Variants in PRKG1 observed in about 807,000 individuals in gnomAD.
PRKG1 encodes the protein cGMP-dependent protein kinase 1.
A neutral mutation model predicts 88.1 loss-of-function variants in PRKG1; 35 were observed. The observed-to-expected ratio is 0.40, with a 90% confidence interval of 0.30 to 0.53. The LOEUF (loss-of-function observed/expected upper bound fraction) is 0.53. Ranked by LOEUF, PRKG1 falls within the 20% of genes least tolerant of loss-of-function variation. The pLI, the probability that PRKG1 is intolerant of heterozygous loss-of-function variation, is 0.59. For synonymous variants in PRKG1, 303 were observed against 292.5 expected (o/e 1.04, Z -0.37); for missense variants, 540 against 839.8 (o/e 0.64, Z 4.41).
At chr10:51,643,730 T>C (rs1454184540) in intron 3 of PRKG1, among the ~76,000 whole-genome samples, 2 of 152,186 alleles carry the variant, frequency 1.3e-5, no homozygotes, top group Non-Finnish European at 2.9e-5. Flanking sequence ...CCAAAGATTT[T>C]AGTGTTGAAA....
At chr10:52,192,485 T>C (rs922599867) in intron 9 of PRKG1, among the ~76,000 whole-genome samples, 1 of 152,124 alleles carries the variant, frequency 6.6e-6, no homozygotes, top group Non-Finnish European at 1.5e-5. Context: ...CATTTTATTC[T>C]AAGGGAGTAG....
At chr10:51,533,105 C>A (rs917093150) in intron 3 of PRKG1, among the ~76,000 whole-genome samples, 1 of 152,178 alleles carries the variant, frequency 6.6e-6, no homozygotes, top group Admixed American at 6.5e-5. Flanking sequence ...GACTAATTTT[C>A]TTCTGTTGAA....
intron 2 of PRKG1, among the ~76,000 whole-genome samples, chr10:51,397,749 T>C (rs1837619334): frequency 6.6e-6 from 1 of 152,202 alleles, no homozygotes; most frequent in Admixed American, 6.5e-5. Context: ...ATAATAAACC[T>C]TTTATCCCTT....
chr10:51,693,819 A>G (rs1011616107), intron 3 of PRKG1, among the ~76,000 whole-genome samples: 9 of 152,218 alleles, frequency 5.9e-5, no homozygotes, highest in Non-Finnish European at 1.3e-4. Flanking sequence ...AATTGGTAAT[A>G]TGAATATTTG....
At chr10:52,012,136 C>G (rs1844900917) in intron 5 of PRKG1, among the ~76,000 whole-genome samples, 2 of 152,008 alleles carry the variant, frequency 1.3e-5, no homozygotes, top group South Asian at 4.2e-4. Context: ...ACATAGTTGT[C>G]TAGTTTAGTG....
intron 7 of PRKG1, among the ~76,000 whole-genome samples, chr10:52,111,097 T>C (rs1297076936): frequency 6.6e-6 from 1 of 152,182 alleles, no homozygotes; most frequent in Non-Finnish European, 1.5e-5. Context: ...CACAATGAGA[T>C]CAAATAATTT....
At chr10:51,366,833 A>G (rs1374283574) in intron 2 of PRKG1, among the ~76,000 whole-genome samples, 1 of 151,976 alleles carries the variant, frequency 6.6e-6, no homozygotes, top group Non-Finnish European at 1.5e-5. Context: ...CAGAAAATAG[A>G]AAGTAATTTT....
chr10:51,232,380 A>G (rs1401775610), intron 2 of PRKG1, among the ~76,000 whole-genome samples: 1 of 152,214 alleles, frequency 6.6e-6, no homozygotes, highest in Non-Finnish European at 1.5e-5. Flanking sequence ...AGATTTGGTT[A>G]CTGAAGGAGC....
At chr10:51,359,541 T>C (rs1448801232) in intron 2 of PRKG1, among the ~76,000 whole-genome samples, 2 of 151,900 alleles carry the variant, frequency 1.3e-5, no homozygotes, top group African/African-American at 4.8e-5. Context: ...ACTAATTTTA[T>C]TGAATTCAGA....
intron 7 of PRKG1, chr10:52,125,817 CT>C (rs779487828): frequency 1.1e-4 from 16 of 152,134 alleles, no homozygotes; most frequent in Non-Finnish European, 2.1e-4. Context: ...TAACTTTCAC[CT>C]TTCATGAAAG....
At chr10:52,227,657 T>A (rs10508963) in intron 9 of PRKG1, among the ~76,000 whole-genome samples, 19,585 of 152,122 alleles carry the variant, frequency 0.13, 2,232 homozygotes, top group African/African-American at 0.31. Context: ...GATGACTGTA[T>A]GTTCTATTCA....
chr10:51,704,828 G>A (rs1374546845), intron 3 of PRKG1, among the ~76,000 whole-genome samples: 4 of 152,200 alleles, frequency 2.6e-5, no homozygotes, highest in Admixed American at 6.5e-5. Flanking sequence ...TGATGTGAGA[G>A]TCAGTAGGCT....
intron 2 of PRKG1, among the ~76,000 whole-genome samples, chr10:51,345,864 G>A (rs979369158): frequency 3.9e-5 from 6 of 152,178 alleles, no homozygotes; most frequent in Admixed American, 3.9e-4. Context: ...ATTCAAGTCT[G>A]GTGTACTGGC....
At chr10:51,457,813 T>C (rs73334482) in intron 2 of PRKG1, among the ~76,000 whole-genome samples, 5,425 of 152,202 alleles carry the variant, frequency 0.036, 308 homozygotes, top group African/African-American at 0.12. Flanking sequence ...GTTCAGCAGT[T>C]TTTTCTTACC....
chr10:51,769,859 C>A (rs1233179029), intron 3 of PRKG1, among the ~76,000 whole-genome samples: 1 of 151,940 alleles, frequency 6.6e-6, no homozygotes, highest in African/African-American at 2.4e-5. Context: ...AAAAAAAAGT[C>A]AAAAAACAAA....
intron 8 of PRKG1, among the ~76,000 whole-genome samples, chr10:52,158,712 T>A (rs1838192311): frequency 6.6e-6 from 1 of 151,670 alleles, no homozygotes; most frequent in Admixed American, 6.6e-5. Context: ...TTGTTTAACG[T>A]TTCAGAAAAT....
intron 7 of PRKG1, among the ~76,000 whole-genome samples, chr10:52,078,139 T>C (rs1292012268): frequency 4.6e-5 from 7 of 152,240 alleles, no homozygotes; most frequent in Non-Finnish European, 1.0e-4. Flanking sequence ...ACAGGTTTTC[T>C]ACCGCCTACA....
chr10:51,038,975 C>T (rs926594973), intron 1 of PRKG1, among the ~76,000 whole-genome samples: 3 of 152,096 alleles, frequency 2.0e-5, no homozygotes, highest in Admixed American at 6.5e-5. Flanking sequence ...TTAGTTAAGG[C>T]CTATATGCAA....
chr10:52,136,374 G>C (rs78065157), intron 8 of PRKG1, among the ~76,000 whole-genome samples: 22,608 of 152,032 alleles, frequency 0.15, 2,576 homozygotes, highest in African/African-American at 0.31. Context: ...GAAATGCCAG[G>C]ATGTAGATAA....
Sources: gnomAD v4.1 joint callset for allele counts (sites outside exome capture counted in the v4.1 genomes callset) on GRCh38, gnomAD v4.1.1 for gene constraint, MANE v1.5 for transcripts, NCBI Gene and HGNC (gene_info 2026-07-23, HGNC 2026-07-21) for gene names.